MAPKBP1: variants seen among roughly 807,000 people sequenced by gnomAD.
The protein encoded by MAPKBP1 is mitogen-activated protein kinase binding protein 1.
Under a neutral mutation model 170.5 loss-of-function variants are expected in MAPKBP1, and 71 were observed. The ratio of observed to expected loss-of-function variants is 0.42; its 90% confidence interval spans 0.34 to 0.51. The LOEUF (loss-of-function observed/expected upper bound fraction) is 0.51, where lower values mean the gene tolerates loss of function less well. Among genes scored for constraint, MAPKBP1 ranks in the 20% least tolerant of loss-of-function variants. The probability of loss-of-function intolerance (pLI) is 0.06; values close to 1 mark genes in which losing one functional copy is unlikely to be tolerated. For missense variants in MAPKBP1, 1,598 were observed against 1,933.0 expected, an observed-to-expected ratio of 0.83 and a Z score of 3.25; for synonymous variants, 719 against 757.9, an observed-to-expected ratio of 0.95 and a Z score of 0.84.
Position 41,823,863 on chromosome 15 carries a change from G to A in MAPKBP1, c.4015G>A (p.Ala1339Thr), listed in dbSNP as rs148226876. The A allele has an allele frequency of 5.9e-5, 95 of 1,614,116 alleles. No homozygotes were observed. Among genetic ancestry groups the A allele is most frequent in the Non-Finnish European group, 7.6e-5 (90 of 1,180,052 alleles). Residue 1339 changes from alanine (A) to threonine (T), a missense_variant, in exon 29 of 31, where the codon GCC becomes ACC. Coordinates refer to ENST00000457542, the MANE Select transcript of MAPKBP1 (RefSeq NM_014994.3). ...GKAHSTTERWACLGEGTTPKP... is the reference protein window; with the variant it reads ...GKAHSTTERWTCLGEGTTPKP... ...AGCTCACAGTACAACTGAGAGATGG[G>A]CCTGTTTGGGGGAGGGCACCACTCC...
chr15:41,816,566 G>A lies in MAPKBP1; in HGVS notation c.1501G>A (p.Glu501Lys), dbSNP rs752649407. 6 of 1,613,742 alleles carry A rather than the reference G, an allele frequency of 3.7e-6. No individual in the cohort carries two copies. The highest frequency in any genetic ancestry group is 1.3e-5 in the African/African-American group (1 of 75,036). The change falls in exon 13 of 31, where the codon GAA becomes AAA. Residue 501 changes from glutamate to lysine, a missense_variant. By Grantham distance (56) the Glu-to-Lys change is moderately conservative (BLOSUM62 1). Around this residue, in one of 6 missense-constraint regions of MAPKBP1, gnomAD observed 430 missense variants for 617.2 expected, o/e 0.70. Transcript: ENST00000457542. ...GDRMGTLRVH[E>K]LQSLSEMLKV... The stretch of plus-strand genomic sequence containing the variant: ...CTCTCCTCATCTTTGCAGGGTGCAC[G>A]AACTTCAGTCCCTGAGTGAGATGCT...
intron 9 of MAPKBP1, 36 bp downstream of exon 9, chr15:41,813,817 C>A (rs1200338695): frequency 1.9e-6 from 3 of 1,548,850 alleles, no homozygotes; most frequent in Non-Finnish European, 2.6e-6. Flanking sequence ...CCATTTGTAG[C>A]CTTACCCCTG....
At position 41,818,810 on chromosome 15, in the gene MAPKBP1, G is replaced by A; in HGVS notation, c.2157-13G>A. The A allele has an allele frequency of 1.2e-6, 2 of 1,612,872 alleles. No individual in the cohort carries two copies. Among genetic ancestry groups the A allele is most frequent in the Non-Finnish European group, 1.7e-6 (2 of 1,178,902 alleles). Reference sequence around the variant, plus strand: ...CTGCCCCTCCTTCAGCCAACTGTGTGGCTTTACCCCAGCTGCATATTTGTG... The same window carrying A: ...CTGCCCCTCCTTCAGCCAACTGTGTAGCTTTACCCCAGCTGCATATTTGTG... On this transcript the variant is annotated splice_polypyrimidine_tract_variant and intron_variant, in intron 19 of 30. Transcript: ENST00000457542. This position sits in a 1 kb window ranked among gnomAD's most constrained non-coding sequence, Gnocchi z 5.2.
intron 3 of MAPKBP1, among the ~76,000 whole-genome samples, chr15:41,800,467 C>G (rs1055185195): frequency 6.6e-6 from 1 of 151,996 alleles, no homozygotes; most frequent in Non-Finnish European, 1.5e-5. Flanking sequence ...CTCAGTCTCC[C>G]GAGTAGCTGG....
Position 41,819,306 on chromosome 15 carries a change from G to A in MAPKBP1, c.2352G>A (p.Glu784=). The A allele has an allele frequency of 6.2e-7, 1 of 1,614,212 alleles. No homozygotes were observed. The highest frequency in any genetic ancestry group is 1.7e-5 in the Admixed American group (1 of 60,032). Residue 784 remains glutamate, a synonymous_variant, in exon 21 of 31, where the codon GAG becomes GAA. Coordinates refer to ENST00000457542, the MANE Select transcript of MAPKBP1 (RefSeq NM_014994.3). ...CTCTCTCATCAGACAGTGACAAGGAGGGAGAAGATGAGGGGACTGAAGAAG... is the reference window on the plus strand; with the variant it reads ...CTCTCTCATCAGACAGTGACAAGGAAGGAGAAGATGAGGGGACTGAAGAAG... ...GPALSSDSDK[E]GEDEGTEEEL... is the part of the protein sequence containing the mutation.
intron 2 of MAPKBP1, among the ~76,000 whole-genome samples, chr15:41,795,919 A>G (rs2064480773): frequency 6.6e-6 from 1 of 152,124 alleles, no homozygotes; most frequent in South Asian, 2.1e-4. Flanking sequence ...TCTCATTTAT[A>G]TTTTAAAAGA....
At chr15:41,784,085 A>G (rs1422678426) in intron 2 of MAPKBP1, among the ~76,000 whole-genome samples, 3 of 152,124 alleles carry the variant, frequency 2.0e-5, no homozygotes, top group Non-Finnish European at 4.4e-5. Flanking sequence ...GTCAGGACTA[A>G]ACTTGTAACA....
chr15:41,774,943 C>A lies in MAPKBP1; in HGVS notation c.-109-224C>A, dbSNP rs555999885. Reference sequence around the variant, plus strand: ...ACTGGGGCCCATCCCATCCATCTCGCCAGTTAAACGCCTCTGGCGGGCGTG... The same window carrying A: ...ACTGGGGCCCATCCCATCCATCTCGACAGTTAAACGCCTCTGGCGGGCGTG... On this transcript the variant is annotated intron_variant, in intron 1 of 30. Coordinates refer to ENST00000457542, the MANE Select transcript of MAPKBP1 (RefSeq NM_014994.3). The A allele has an allele frequency of 1.2e-5, 6 of 481,476 alleles. No homozygotes were observed. The East Asian group carries it at 1.9e-4, about 16-fold the overall frequency. 29.8% of individuals were successfully genotyped at this position (481,476 alleles called of 1,614,324 possible).
intron 8 of MAPKBP1, 181 bp downstream of exon 8, chr15:41,813,282 CCT>C: frequency 6.6e-7 from 1 of 1,525,136 alleles, no homozygotes; most frequent in Non-Finnish European, 9.1e-7. Context: ...ATAACTGCCT[CCT>C]CTCTGCTCTT....
At chr15:41,801,501 A>G (rs2064593013) in intron 3 of MAPKBP1, among the ~76,000 whole-genome samples, 1 of 152,138 alleles carries the variant, frequency 6.6e-6, no homozygotes, top group East Asian at 1.9e-4. Context: ...CAACTTTTAT[A>G]GTTTTTATAC....
chr15:41,816,308 T>C (rs2064890017), intron 12 of MAPKBP1: 1 of 493,288 alleles, frequency 2.0e-6, no homozygotes, highest in Non-Finnish European at 3.6e-6. Context: ...TTGAATAAGG[T>C]CTCTAATTAA....
At chr15:41,812,273 C>A in intron 6 of MAPKBP1, 146 bp downstream of exon 6, 1 of 1,276,146 alleles carries the variant, frequency 7.8e-7, no homozygotes, top group Non-Finnish European at 1.1e-6. Context: ...AAAAGAGCAA[C>A]TGTGTGGCCA....
At chr15:41,800,285 G>A (rs1726897768) in intron 3 of MAPKBP1, among the ~76,000 whole-genome samples, 1 of 151,942 alleles carries the variant, frequency 6.6e-6, no homozygotes, top group Non-Finnish European at 1.5e-5. Context: ...TAGTTTTTTA[G>A]TATATTCACA....
At chr15:41,815,222 G>T (rs778812927) in intron 10 of MAPKBP1, 37 bp from the exon 11 acceptor site, 4 of 1,612,520 alleles carry the variant, frequency 2.5e-6, no homozygotes, top group South Asian at 2.2e-5. Flanking sequence ...GACTGCTCCC[G>T]AATGGAGGTC....
At chr15:41,776,458 T>C (rs989031442) in intron 2 of MAPKBP1, among the ~76,000 whole-genome samples, 1 of 152,246 alleles carries the variant, frequency 6.6e-6, no homozygotes, top group African/African-American at 2.4e-5. Context: ...CCTGTATATT[T>C]CAGCAGAAGT....
intron 3 of MAPKBP1, among the ~76,000 whole-genome samples, chr15:41,806,934 G>A (rs1258799584): frequency 1.3e-5 from 2 of 152,224 alleles, no homozygotes; most frequent in Non-Finnish European, 2.9e-5. Context: ...AAGGAGCCCT[G>A]GCTATGCTGC....
At position 41,823,048 on chromosome 15, in the gene MAPKBP1, C is replaced by A; in HGVS notation, c.3424C>A (p.Pro1142Thr). The A allele has an allele frequency of 1.2e-6, 2 of 1,613,818 alleles. No individual in the cohort carries two copies. Among genetic ancestry groups the A allele is most frequent in the Non-Finnish European group, 1.7e-6 (2 of 1,179,918 alleles). Residue 1142 changes from proline to threonine, a missense_variant, in exon 28 of 31, where the codon CCC becomes ACC. Coordinates refer to ENST00000457542, the MANE Select transcript of MAPKBP1 (RefSeq NM_014994.3). ...RGNGANPPGA[P>T]PEVEPSSGNP... ...CAATGGTGCCAATCCCCCTGGAGCA[C>A]CCCCGGAGGTGGAACCGTCCTCTGG...
chr15:41,786,290 T>C (rs1172353800), intron 2 of MAPKBP1, among the ~76,000 whole-genome samples: 1 of 152,150 alleles, frequency 6.6e-6, no homozygotes, highest in Non-Finnish European at 1.5e-5. Flanking sequence ...CATTATATAT[T>C]TCTGTAATGT....
rs759107533 is a variant in MAPKBP1, at chr15:41,817,467, G to A, written c.1782+9G>A. 1.8e-5 allele frequency: 29 copies of A among 1,613,624 alleles called. No homozygotes were observed. In the South Asian group the frequency reaches 2.2e-4, roughly 12 times the overall value. On this transcript the variant is annotated intron_variant, in intron 15 of 30. Coordinates refer to ENST00000457542, the MANE Select transcript of MAPKBP1 (RefSeq NM_014994.3). This position sits in a 1 kb window ranked among gnomAD's most constrained non-coding sequence, Gnocchi z 4.2. ...TCCGCACTGCGCAGAAGGTGAGGGC[G>A]CTGGGCTTTCCTGAGAGGGGCGGGA...
Sources: allele counts gnomAD v4.1 joint callset (sites outside exome capture counted in the v4.1 genomes callset), GRCh38; gene constraint gnomAD v4.1.1; regional missense constraint gnomAD v4.1.1; non-coding constraint Gnocchi (gnomAD v3.1); transcripts MANE v1.5; gene names NCBI Gene and HGNC (gene_info 2026-07-23, HGNC 2026-07-21).